The following CFAP44 variants were observed in gnomAD, a reference collection of about 807,000 sequenced individuals.
CFAP44 encodes the protein cilia and flagella associated protein 44, also known as cilia- and flagella-associated protein 44.
Under a neutral mutation model 216.2 loss-of-function variants are expected in CFAP44, and 134 were observed. The observed-to-expected ratio is 0.62, with a 90% confidence interval of 0.54 to 0.72. The LOEUF (loss-of-function observed/expected upper bound fraction) is 0.72, where lower values mean the gene tolerates loss of function less well. Ranked by LOEUF, CFAP44 falls within the 30% of genes least tolerant of loss-of-function variation. The probability of loss-of-function intolerance (pLI) is 0.00; values close to 1 mark genes in which losing one functional copy is unlikely to be tolerated. For missense variants in CFAP44, 2,035 were observed against 2,182.1 expected, an observed-to-expected ratio of 0.93 and a Z score of 1.34; for synonymous variants, 700 against 727.6, an observed-to-expected ratio of 0.96 and a Z score of 0.61.
At chr3:113,334,817 G>A (rs1196879836) in intron 24 of CFAP44, among the ~76,000 whole-genome samples, 1 of 152,144 alleles carries the variant, frequency 6.6e-6, no homozygotes, top group Non-Finnish European at 1.5e-5. Flanking sequence ...GTATCTAAAG[G>A]TATGGGCTAT....
At chr3:113,313,141 T>G (rs1950055637) in intron 28 of CFAP44, among the ~76,000 whole-genome samples, 1 of 152,214 alleles carries the variant, frequency 6.6e-6, no homozygotes, top group South Asian at 2.1e-4. Context: ...GGAGGGAGGC[T>G]GTATCCTGCA....
chr3:113,308,150 T>C lies in CFAP44; in HGVS notation c.4627+8A>G. ...TTCACAGAGAACACGTGGTTTTATC[T>C]AACTTACTTGTTGGGCAAATAGAAT... On this transcript the variant is annotated splice_region_variant and intron_variant, in intron 29 of 34. Transcript: ENST00000393845. 1 of 1,528,258 alleles carries C rather than the reference T, an allele frequency of 6.5e-7. No individual in the cohort carries two copies. The highest frequency in any genetic ancestry group is 8.7e-7 in the Non-Finnish European group (1 of 1,143,620). 94.7% of individuals were successfully genotyped at this position (1,528,258 alleles called of 1,614,324 possible).
intron 13 of CFAP44, among the ~76,000 whole-genome samples, chr3:113,398,135 T>C (rs1394624717): frequency 6.6e-6 from 1 of 152,168 alleles, no homozygotes; most frequent in Non-Finnish European, 1.5e-5. Context: ...TGTCTAAATG[T>C]ACCAGTAACT....
rs182817937 is a variant in CFAP44, at chr3:113,352,676, G to A, written c.3065+6069C>T. Among the ~76,000 whole-genome samples the A allele has an allele frequency of 3.5e-3, 535 of 152,132 alleles. 4 individuals carry two copies. The highest frequency in any genetic ancestry group is 0.014 in the Middle Eastern group (4 of 294). ...GAGGCTAAAATTAAAAATAATGTGG[G>A]AAATAAACAGAACCCAAAGAAAAAT... On this transcript the variant is annotated intron_variant, in intron 22 of 34. Transcript: ENST00000393845.
Position 113,307,441 on chromosome 3 carries a change from T to A in CFAP44, c.4627+717A>T, listed in dbSNP as rs543310802. Among the ~76,000 whole-genome samples the A allele has an allele frequency of 2.0e-5, 3 of 152,332 alleles. No individual in the cohort carries two copies. The South Asian group carries it at 6.2e-4, about 32-fold the overall frequency. On this transcript the variant is annotated intron_variant, in intron 29 of 34. Coordinates refer to ENST00000393845, the MANE Select transcript of CFAP44 (RefSeq NM_001164496.2). ...TCATTAATGTTTTCCCTGACCATAC[T>A]ATTGGAAATAGCAATGTGCCTCTCC... is the stretch of plus-strand genomic sequence containing the variant.
intron 7 of CFAP44, among the ~76,000 whole-genome samples, chr3:113,407,969 C>T (rs531640260): frequency 1.1e-4 from 16 of 152,208 alleles, no homozygotes; most frequent in African/African-American, 3.4e-4. Flanking sequence ...ATAGAAAATA[C>T]AGATTTTACT....
Position 113,366,105 on chromosome 3 carries a change from A to C in CFAP44, c.2649T>G (p.Phe883Leu). 3 of 1,614,038 alleles carry C rather than the reference A, an allele frequency of 1.9e-6. No individual in the cohort carries two copies. Among genetic ancestry groups the C allele is most frequent in the Non-Finnish European group, 2.5e-6 (3 of 1,179,952 alleles). ...LVTAGADGNI[F>L]VFNIFSEFML... is the part of the protein sequence containing the mutation. Reference sequence around the variant, plus strand: ...TAAATTCAGAAAAAATGTTGAAAACAAAGATATTGCCATCTGCTCCAGCAG... The same window carrying C: ...TAAATTCAGAAAAAATGTTGAAAACCAAGATATTGCCATCTGCTCCAGCAG... The change falls in exon 19 of 35, where the codon TTT becomes TTG. Residue 883 changes from phenylalanine to leucine, a missense_variant. Transcript: ENST00000393845.
chr3:113,437,774 AT>A (rs1935270677), intron 1 of CFAP44, among the ~76,000 whole-genome samples: 1 of 151,908 alleles, frequency 6.6e-6, no homozygotes, highest in Non-Finnish European at 1.5e-5. Context: ...AGAATAAGGT[AT>A]TTTTGGTTTT....
chr3:113,431,782 C>T (rs989701547), intron 2 of CFAP44, among the ~76,000 whole-genome samples: 3 of 152,134 alleles, frequency 2.0e-5, no homozygotes, highest in African/African-American at 7.2e-5. Flanking sequence ...TTTCCCAGGA[C>T]CTGATCTTCT....
In CFAP44 at chr3:113,403,994, C is replaced by A; in HGVS notation, c.1028G>T (p.Gly343Val). The change falls in exon 9 of 35, where the codon GGC (glycine) becomes GTC (valine). Residue 343 changes from glycine to valine, a missense_variant. By Grantham distance (109) the Gly-to-Val change is moderately radical. This residue lies in a region of CFAP44 where 1,883 missense variants were observed against 2,023.7 expected (regional missense o/e 0.93). Coordinates refer to ENST00000393845, the MANE Select transcript of CFAP44 (RefSeq NM_001164496.2). Reference protein sequence around the residue: ...DGKVLSGSEWGNMLLWEGGLI... With the variant: ...DGKVLSGSEWVNMLLWEGGLI... ...ACCACCTTCCCAAAGCAGCATGTTG[C>A]CCCATTCTGACCCTGAGAGCACCTG... 1 of 1,613,878 alleles carries A rather than the reference C, an allele frequency of 6.2e-7. No homozygotes were observed. The highest frequency in any genetic ancestry group is 8.5e-7 in the Non-Finnish European group (1 of 1,179,910).
rs115762803 is a variant in CFAP44, at chr3:113,432,925, T to C, written c.100+640A>G. Among the ~76,000 whole-genome samples the C allele has an allele frequency of 8.4e-3, 1,287 of 152,340 alleles. 24 individuals carry two copies. The highest frequency in any genetic ancestry group is 0.029 in the African/African-American group (1,218 of 41,574). On this transcript the variant is annotated intron_variant, in intron 2 of 34. Transcript: ENST00000393845. ...TCAGATAATCTATTATTTAACATTT[T>C]TAACTTTCTTGGAGGTGAAAATTCT...
At chr3:113,388,311 T>C (rs1933705504) in intron 15 of CFAP44, among the ~76,000 whole-genome samples, 1 of 152,150 alleles carries the variant, frequency 6.6e-6, no homozygotes, top group South Asian at 2.1e-4. Flanking sequence ...GTTTATAAAA[T>C]CAGTGTTAAG....
chr3:113,406,848 A>T, intron 8 of CFAP44, 79 bp downstream of exon 8: 1 of 923,842 alleles, frequency 1.1e-6, no homozygotes. Flanking sequence ...AGAGCTTGTT[A>T]GAATTTTCAT....
intron 18 of CFAP44, among the ~76,000 whole-genome samples, chr3:113,370,297 A>C (rs555348960): frequency 6.6e-6 from 1 of 152,216 alleles, no homozygotes; most frequent in Non-Finnish European, 1.5e-5. Context: ...TTTTAGACCA[A>C]TATCCCTGAT....
intron 30 of CFAP44, among the ~76,000 whole-genome samples, chr3:113,305,898 T>C (rs1398206058): frequency 6.6e-6 from 1 of 152,202 alleles, no homozygotes; most frequent in African/African-American, 2.4e-5. Flanking sequence ...TACATAATAG[T>C]TCATAAATAC....
At chr3:113,336,007 C>G (rs184414762) in intron 24 of CFAP44, among the ~76,000 whole-genome samples, 68 of 152,220 alleles carry the variant, frequency 4.5e-4, no homozygotes, top group Non-Finnish European at 5.3e-4. Flanking sequence ...ATTAGAAATA[C>G]TTTGGACTAA....
intron 28 of CFAP44, among the ~76,000 whole-genome samples, chr3:113,319,467 G>A (rs1467841877): frequency 6.6e-6 from 1 of 152,170 alleles, no homozygotes; most frequent in Non-Finnish European, 1.5e-5. Flanking sequence ...AAAAGACTTA[G>A]ACAACCACAC....
intron 30 of CFAP44, 94 bp from the exon 31 acceptor site, chr3:113,305,246 A>T: frequency 9.3e-7 from 1 of 1,070,826 alleles, no homozygotes; most frequent in East Asian, 2.6e-5. Flanking sequence ...GAAGTAAAGC[A>T]TGAGCAGAAT....
intron 23 of CFAP44, among the ~76,000 whole-genome samples, chr3:113,343,878 T>G (rs1037074970): frequency 2.6e-5 from 4 of 152,222 alleles, no homozygotes; most frequent in Admixed American, 2.0e-4. Flanking sequence ...TCACTGTCAA[T>G]AGCCTAGATC....
Sources: gnomAD v4.1 joint callset for allele counts (sites outside exome capture counted in the v4.1 genomes callset) on GRCh38, gnomAD v4.1.1 for gene constraint, gnomAD v4.1.1 regional missense constraint, MANE v1.5 for transcripts, NCBI Gene and HGNC (gene_info 2026-07-23, HGNC 2026-07-21) for gene names.